Variants in TMEM266 observed in about 807,000 individuals in gnomAD.
TMEM266 encodes the protein transmembrane protein 266.
A neutral mutation model predicts 50.5 loss-of-function variants in TMEM266; 33 were observed. The observed-to-expected ratio is 0.65, with a 90% CI of 0.50 to 0.87. TMEM266 has a LOEUF of 0.87. Ranked by LOEUF, TMEM266 falls within the 40% of genes least tolerant of loss-of-function variation. TMEM266 has a pLI of 0.00. For missense variants in TMEM266, 655 were observed against 695.1 expected (o/e 0.94, Z 0.65); for synonymous variants, 310 against 292.3 (o/e 1.06, Z -0.62).
chr15:76,147,895 C>T (rs892931949), intron 3 of TMEM266, among the ~76,000 whole-genome samples: 3 of 152,144 alleles, frequency 2.0e-5, no homozygotes, highest in African/African-American at 4.8e-5. Context: ...CGTGGTGGTG[C>T]GCGCCAGTAG....
chr15:76,107,150 A>AT (rs1046033232), intron 1 of TMEM266, among the ~76,000 whole-genome samples: 2 of 152,244 alleles, frequency 1.3e-5, no homozygotes, highest in African/African-American at 4.8e-5. Flanking sequence ...GGTAAAAATA[A>AT]TTTTAATATC....
chr15:76,137,884 C>T lies in TMEM266; in HGVS notation c.216C>T (p.Tyr72=), dbSNP rs187813842. 5.5e-4 allele frequency: 864 copies of T among 1,582,920 alleles called. 10 individuals are homozygous for T. In the East Asian group the frequency reaches 0.014, roughly 26 times the overall value. The stretch of plus-strand genomic sequence containing the variant: ...TCCTGTCAAATCTGGACGAAGATTA[C>T]CAAAGAGAAGGGTAGGTGCTGGGAC... Residue 72 remains tyrosine, a synonymous_variant, in exon 3 of 11, where the codon TAC becomes TAT. Coordinates refer to ENST00000388942, the MANE Select transcript of TMEM266 (RefSeq NM_152335.3).
chr15:76,106,646 A>G (rs7168130), intron 1 of TMEM266, among the ~76,000 whole-genome samples: 45,566 of 151,888 alleles, frequency 0.3, 7,223 homozygotes, highest in South Asian at 0.5. Context: ...GAGACTTGCT[A>G]TGTTCCCCAG....
intron 9 of TMEM266, among the ~76,000 whole-genome samples, chr15:76,195,554 C>T (rs1567184507): frequency 6.6e-6 from 1 of 152,238 alleles, no homozygotes; most frequent in African/African-American, 2.4e-5. Flanking sequence ...ATGAAAGGAG[C>T]AGATTTACCA....
At chr15:76,119,944 C>A (rs2037314815) in intron 1 of TMEM266, among the ~76,000 whole-genome samples, 1 of 152,132 alleles carries the variant, frequency 6.6e-6, no homozygotes, top group Admixed American at 6.6e-5. Flanking sequence ...TATAATTAAG[C>A]AAGTATTTGA....
At chr15:76,111,148 T>C (rs2037165742) in intron 1 of TMEM266, among the ~76,000 whole-genome samples, 1 of 151,948 alleles carries the variant, frequency 6.6e-6, no homozygotes, top group South Asian at 2.1e-4. Context: ...TGGCACGGTC[T>C]CGGCTCACTG....
At position 76,076,085 on chromosome 15, in the gene TMEM266, T is replaced by G. The variant is rs143899131; in HGVS notation, c.-97+16069T>G. Among the ~76,000 whole-genome samples, 615 of 151,834 alleles carry G rather than the reference T, an allele frequency of 4.1e-3. 8 individuals are homozygous for G. Among genetic ancestry groups the G allele is most frequent in the African/African-American group, 0.014 (598 of 41,262 alleles). ...GTTGCCCAAGCTGGTCTCAAACTCC[T>G]GGACTCAAGTGATCCTCCTGTCTAG... On this transcript the variant is annotated intron_variant, in intron 1 of 10. Coordinates refer to ENST00000388942, the MANE Select transcript of TMEM266 (RefSeq NM_152335.3).
chr15:76,091,989 C>T (rs2036854887), intron 1 of TMEM266, among the ~76,000 whole-genome samples: 1 of 149,834 alleles, frequency 6.7e-6, no homozygotes, highest in Non-Finnish European at 1.5e-5. Flanking sequence ...GACCCTGTCT[C>T]AAAAGAAAAA....
intron 1 of TMEM266, among the ~76,000 whole-genome samples, chr15:76,117,040 C>T (rs1738834161): frequency 6.6e-6 from 1 of 151,948 alleles, no homozygotes; most frequent in Non-Finnish European, 1.5e-5. Context: ...GCTGGGATTA[C>T]AGGCATGTGC....
intron 5 of TMEM266, among the ~76,000 whole-genome samples, chr15:76,165,214 T>C (rs1427003012): frequency 6.6e-6 from 1 of 152,164 alleles, no homozygotes; most frequent in Non-Finnish European, 1.5e-5. Context: ...AGAAGTCAGC[T>C]TTTGCTTCCC....
chr15:76,156,230 C>T (rs2037922814), intron 3 of TMEM266, among the ~76,000 whole-genome samples: 1 of 152,206 alleles, frequency 6.6e-6, no homozygotes, highest in Admixed American at 6.5e-5. Flanking sequence ...CATGGTGACA[C>T]ACACCTGTAG....
intron 9 of TMEM266, among the ~76,000 whole-genome samples, chr15:76,199,715 G>T (rs1385338704): frequency 6.6e-6 from 1 of 152,058 alleles, no homozygotes; most frequent in Non-Finnish European, 1.5e-5. Flanking sequence ...GGAGATCAGT[G>T]TGTGAAGTGC....
Position 76,192,085 on chromosome 15 carries a change from G to A in TMEM266, c.886G>A (p.Val296Met), listed in dbSNP as rs1189010322. ...CAGCCAGCCGCGCAGCCGCTTCAAA[G>A]TGTTGGAGGCCGGCACGTGGGACGA... The change falls in exon 9 of 11, where the codon GTG (valine) becomes ATG (methionine). Residue 296 changes from valine (V) to methionine (M), a missense_variant. Coordinates refer to ENST00000388942, the MANE Select transcript of TMEM266 (RefSeq NM_152335.3). The A allele has an allele frequency of 4.1e-6, 6 of 1,464,244 alleles. No homozygotes were observed. Among genetic ancestry groups the A allele is most frequent in the South Asian group, 2.8e-5 (2 of 72,312 alleles). The allele number at this position is 1,464,244 out of a possible 1,614,324, so 90.7% of individuals were successfully genotyped here.
intron 1 of TMEM266, among the ~76,000 whole-genome samples, chr15:76,086,794 C>T (rs1013380771): frequency 9.9e-5 from 15 of 152,118 alleles, no homozygotes; most frequent in Non-Finnish European, 1.8e-4. Context: ...CAATCAGAGG[C>T]TGAAGTGAAG....
rs201795006 is a variant in TMEM266 at position 76,175,612 on chromosome 15, A to G, written c.706A>G (p.Lys236Glu). ...GGAGATGGTTATCCAGCAGTACGAGAAGGCCAAGGTCATCCAAGACGAGCA... is the reference window on the plus strand; with the variant it reads ...GGAGATGGTTATCCAGCAGTACGAGGAGGCCAAGGTCATCCAAGACGAGCA... The change falls in exon 8 of 11, where the codon AAG becomes GAG. Residue 236 changes from lysine (K) to glutamate (E), a missense_variant. Coordinates refer to ENST00000388942, the MANE Select transcript of TMEM266 (RefSeq NM_152335.3). The G allele has an allele frequency of 6.2e-7, 1 of 1,614,206 alleles. No individual in the cohort carries two copies. The highest frequency in any genetic ancestry group is 1.3e-5 in the African/African-American group (1 of 75,060).
chr15:76,109,711 CTTT>C (rs778661170), intron 1 of TMEM266, among the ~76,000 whole-genome samples: 17 of 138,162 alleles, frequency 1.2e-4, no homozygotes, highest in Admixed American at 1.4e-4. Context: ...TCTTTCTTTT[CTTT>C]TTTTTTTTTT....
At chr15:76,092,547 G>A (rs894868275) in intron 1 of TMEM266, among the ~76,000 whole-genome samples, 16 of 151,728 alleles carry the variant, frequency 1.1e-4, no homozygotes, top group South Asian at 8.3e-4. Context: ...AAAATTAGCC[G>A]GGCTTGGTGG....
chr15:76,090,856 G>C (rs900911812), intron 1 of TMEM266, among the ~76,000 whole-genome samples: 3 of 152,122 alleles, frequency 2.0e-5, no homozygotes, highest in African/African-American at 7.2e-5. Context: ...ATAGTACTGG[G>C]GGGTAAATAT....
At chr15:76,154,497 T>G (rs1170394112) in intron 3 of TMEM266, among the ~76,000 whole-genome samples, 3 of 152,096 alleles carry the variant, frequency 2.0e-5, no homozygotes, top group Non-Finnish European at 4.4e-5. Flanking sequence ...ACCATTCTCC[T>G]CCTGTTTTCT....
Sources: gnomAD v4.1 joint callset for allele counts (sites outside exome capture counted in the v4.1 genomes callset) on GRCh38, gnomAD v4.1.1 for gene constraint, MANE v1.5 for transcripts, NCBI Gene and HGNC (gene_info 2026-07-23, HGNC 2026-07-21) for gene names.